ATP2C1: variants seen among roughly 807,000 people sequenced by gnomAD.
The protein encoded by ATP2C1 is calcium-transporting ATPase type 2C member 1.
In ATP2C1, 31 loss-of-function variants were observed where a neutral mutation model predicts 120.5. That is an observed-to-expected ratio of 0.26 (90% CI 0.19 to 0.35). The LOEUF is 0.35. Ranked by LOEUF, ATP2C1 falls within the 10% of genes least tolerant of loss-of-function variation. ATP2C1 has a pLI of 1.00. For missense variants in ATP2C1, 731 were observed against 1,107.5 expected (o/e 0.66, Z 4.83); for synonymous variants, 351 against 358.7 (o/e 0.98, Z 0.24).
chr3:131,010,854 C>T (rs2063293544), intron 26 of ATP2C1, among the ~76,000 whole-genome samples: 1 of 152,180 alleles, frequency 6.6e-6, no homozygotes, highest in African/African-American at 2.4e-5. Context: ...CTTTGTACTG[C>T]TTAACACTCA....
intron 7 of ATP2C1, among the ~76,000 whole-genome samples, 175 bp downstream of exon 7, chr3:130,940,866 T>C (rs150618615): frequency 6.7e-6 from 1 of 149,792 alleles, no homozygotes; most frequent in East Asian, 2.0e-4. Flanking sequence ...TTGAAAACTT[T>C]AAAATCCGAG....
intron 18 of ATP2C1, among the ~76,000 whole-genome samples, chr3:130,976,970 C>G (rs567263170): frequency 2.6e-5 from 4 of 152,326 alleles, no homozygotes; most frequent in Non-Finnish European, 5.9e-5. Context: ...TGTTTGGAAG[C>G]TCAGATACTC....
At chr3:130,960,504 T>C (rs1161942707) in intron 12 of ATP2C1, among the ~76,000 whole-genome samples, 1 of 152,204 alleles carries the variant, frequency 6.6e-6, no homozygotes, top group Non-Finnish European at 1.5e-5. Context: ...TCCTATAAGA[T>C]AATTATAACT....
At chr3:130,878,482 T>G (rs1576575252) in intron 1 of ATP2C1, among the ~76,000 whole-genome samples, 1 of 152,254 alleles carries the variant, frequency 6.6e-6, no homozygotes, top group African/African-American at 2.4e-5. Flanking sequence ...GTTCTACCAG[T>G]GAATTTTACA....
Position 130,894,834 on chromosome 3 carries a change from T to A in ATP2C1, c.6+59T>A. On this transcript the variant is annotated intron_variant, in intron 2 of 27. Coordinates refer to ENST00000510168, the MANE Select transcript of ATP2C1 (RefSeq NM_001378687.1). This position sits in a 1 kb window ranked among gnomAD's most constrained non-coding sequence, Gnocchi z 4.5. ...AGTTGAGGGTGTGGTGGTTTGCTTT[T>A]AAGTTGTCTTTGTTTTTCCACCTTT... 6.7e-7 allele frequency: 1 copy of A among 1,501,966 alleles called. No homozygotes were observed. The highest frequency in any genetic ancestry group is 9.3e-7 in the Non-Finnish European group (1 of 1,077,676). 93.0% of individuals were successfully genotyped at this position (1,501,966 alleles called of 1,614,324 possible). A position where few individuals can be genotyped will look rare whatever the true frequency, so the allele number is the denominator to read the frequency against.
At position 130,967,349 on chromosome 3, in the gene ATP2C1, A is replaced by T; in HGVS notation, c.1238A>T (p.Asp413Val). The change falls in exon 16 of 28, where the codon GAT becomes GTT. Residue 413 changes from aspartate to valine, a missense_variant. Physicochemically the swap from Asp to Val is radical, Grantham distance 152 (BLOSUM62 -3). Transcript: ENST00000510168. Reference sequence around the variant, plus strand: ...TCTTAGGCGGGCTGTGTGTGCAATGATGCTGTAATTAGAAACAATACTCTA... The same window carrying T: ...TCTTAGGCGGGCTGTGTGTGCAATGTTGCTGTAATTAGAAACAATACTCTA... The part of the protein sequence containing the change: ...RIVEAGCVCN[D>V]AVIRNNTLMG... 1 of 1,613,762 alleles carries T rather than the reference A, an allele frequency of 6.2e-7. No individual in the cohort carries two copies. The highest frequency in any genetic ancestry group is 8.5e-7 in the Non-Finnish European group (1 of 1,179,762).
At chr3:130,891,904 C>T (rs936848712), upstream of ATP2C1, among the ~76,000 whole-genome samples, 3 of 152,132 alleles carry the variant, frequency 2.0e-5, no homozygotes, top group Non-Finnish European at 4.4e-5. Flanking sequence ...CCCTCAGACA[C>T]CAAAATTTCC....
At chr3:130,931,327 T>C (rs2059440261) in intron 3 of ATP2C1, among the ~76,000 whole-genome samples, 1 of 152,092 alleles carries the variant, frequency 6.6e-6, no homozygotes, top group African/African-American at 2.4e-5. Flanking sequence ...AACTGAAGGA[T>C]GTAGGTAGTG....
In ATP2C1 at chr3:130,874,931, C is replaced by T. The variant is rs116261311; in HGVS notation, c.108+24003C>T. 2.7e-3 allele frequency among the ~76,000 whole-genome samples: 414 copies of T among 152,318 alleles called. 1 individual carries two copies. The highest frequency in any genetic ancestry group is 9.6e-3 in the African/African-American group (399 of 41,562). On this transcript the variant is annotated intron_variant, in intron 1 of 26. Coordinates refer to the ATP2C1 transcript ENST00000504381. ...GCTGATGCTGCTCATAGTAAAGCCA[C>T]ACTGAGAAATATTAACTTAGACTAA... is the stretch of plus-strand genomic sequence containing the variant.
rs1345166984 is a variant in ATP2C1, at chr3:130,894,871, A to G, written c.6+96A>G. On this transcript the variant is annotated intron_variant, in intron 2 of 27. Coordinates refer to ENST00000510168, the MANE Select transcript of ATP2C1 (RefSeq NM_001378687.1). This position sits in a 1 kb window ranked among gnomAD's most constrained non-coding sequence, Gnocchi z 4.5. ...GTTTTTCCACCTTTTTATTTTCGTG[A>G]GCTTATTTATTTACTGTGTATGTGA... The G allele has an allele frequency of 1.6e-6, 2 of 1,284,008 alleles. No homozygotes were observed. The highest frequency in any genetic ancestry group is 2.3e-6 in the Non-Finnish European group (2 of 879,780). 79.5% of individuals were successfully genotyped at this position (1,284,008 alleles called of 1,614,324 possible).
intron 2 of ATP2C1, among the ~76,000 whole-genome samples, chr3:130,919,547 A>G (rs72983786): frequency 6.6e-5 from 10 of 152,250 alleles, no homozygotes; most frequent in African/African-American, 2.4e-4. Context: ...GCTACATAGT[A>G]TTCCATTGTA....
At chr3:130,893,955 G>C, upstream of ATP2C1, 2 of 985,690 alleles carry the variant, frequency 2.0e-6, no homozygotes, top group Non-Finnish European at 2.4e-6. Flanking sequence ...ACACGAATGC[G>C]CCTGCGCGCA....
intron 11 of ATP2C1, among the ~76,000 whole-genome samples, chr3:130,956,511 C>T (rs2060587648): frequency 6.6e-6 from 1 of 151,860 alleles, no homozygotes; most frequent in Non-Finnish European, 1.5e-5. Context: ...TTGATGGTCA[C>T]ATAAAACAAA....
At chr3:130,958,636 G>A (rs1204354239) in intron 11 of ATP2C1, among the ~76,000 whole-genome samples, 1 of 151,994 alleles carries the variant, frequency 6.6e-6, no homozygotes, top group African/African-American at 2.4e-5. Flanking sequence ...CTGCTTGTGC[G>A]CCCCTTTCCC....
chr3:130,998,297 C>T lies in ATP2C1; in HGVS notation c.2395C>T (p.Arg799Ter), dbSNP rs1196190757. The change falls in exon 26 of 28, where the codon CGA becomes TGA. Residue 799 changes from arginine to a stop codon, truncating the protein, a stop_gained. Coordinates refer to ENST00000510168, the MANE Select transcript of ATP2C1 (RefSeq NM_001378687.1). LOFTEE classifies it high-confidence loss of function. ...GTLFVFWRELRDNVITPRDTT... is the reference protein window; with the variant it reads ...GTLFVFWREL ...TTTTGTTATTGCCTCTTGACAGCTA[C>T]GAGACAATGTGATTACACCTCGAGA... 3 of 1,605,810 alleles carry T rather than the reference C, an allele frequency of 1.9e-6. No homozygotes were observed. Among genetic ancestry groups the T allele is most frequent in the South Asian group, 1.1e-5 (1 of 90,932 alleles).
intron 17 of ATP2C1, among the ~76,000 whole-genome samples, chr3:130,971,033 T>C (rs2061291414): frequency 6.6e-6 from 1 of 152,204 alleles, no homozygotes; most frequent in Non-Finnish European, 1.5e-5. Flanking sequence ...CCTTTCACTT[T>C]AAACGTTTTA....
intron 20 of ATP2C1, 83 bp downstream of exon 20, chr3:130,980,762 T>G (rs1365728242): frequency 4.8e-6 from 5 of 1,051,776 alleles, no homozygotes; most frequent in Non-Finnish European, 7.4e-6. Context: ...TGAAACTGTT[T>G]AATTGTGAAC....
intron 22 of ATP2C1, among the ~76,000 whole-genome samples, chr3:130,995,622 T>G (rs1196927823): frequency 1.3e-5 from 2 of 151,894 alleles, no homozygotes; most frequent in African/African-American, 4.9e-5. Flanking sequence ...ATGTGTTGTA[T>G]TAGTTGGAAT....
chr3:130,992,833 A>AGTG, intron 20 of ATP2C1, 118 bp from the exon 21 acceptor site: 1 of 780,768 alleles, frequency 1.3e-6, no homozygotes, highest in East Asian at 2.7e-5. Flanking sequence ...GCTTGATCTC[A>AGTG]GTGGCAAATT....
Sources: gnomAD v4.1 joint callset for allele counts (sites outside exome capture counted in the v4.1 genomes callset) on GRCh38, gnomAD v4.1.1 for gene constraint, Gnocchi (gnomAD v3.1) non-coding constraint, MANE v1.5 for transcripts, NCBI Gene and HGNC (gene_info 2026-07-23, HGNC 2026-07-21) for gene names.